PNPLA4: variants seen among roughly 807,000 people sequenced by gnomAD.
PNPLA4 encodes the protein patatin-like phospholipase domain-containing protein 4.
A neutral mutation model predicts 18.3 loss-of-function variants in PNPLA4; 15 were observed. That is an observed-to-expected ratio of 0.82 (90% CI 0.55 to 1.26). The LOEUF (loss-of-function observed/expected upper bound fraction) is 1.26. Ranked by LOEUF, PNPLA4 falls within the 50% of genes most tolerant of loss-of-function variation. PNPLA4 has a pLI of 0.00. For synonymous variants in PNPLA4, 88 were observed against 85.6 expected (o/e 1.03, Z -0.16); for missense variants, 229 against 196.8 (o/e 1.16, Z -0.98).
At chrX:7,906,404 C>A (rs1347087001) in intron 5 of PNPLA4, among the ~76,000 whole-genome samples, 1 of 111,807 alleles carries the variant, frequency 8.9e-6, no homozygotes, top group African/African-American at 3.3e-5. Context: ...TGGTGCATTG[C>A]TTTCTTGGTT....
intron 4 of PNPLA4, among the ~76,000 whole-genome samples, chrX:7,919,380 C>G (rs1430719449): frequency 2.7e-5 from 3 of 112,202 alleles, no homozygotes; most frequent in African/African-American, 9.7e-5. Context: ...TCTCCTTGCT[C>G]AGTCAGGTGT....
chrX:7,913,888 G>C (rs1277797491), intron 4 of PNPLA4, among the ~76,000 whole-genome samples: 1 of 112,335 alleles, frequency 8.9e-6, no homozygotes, highest in Non-Finnish European at 1.9e-5. Context: ...ACGTGGTTGA[G>C]ACTGTCCCCA....
chrX:7,919,378 C>T (rs1172803475), intron 4 of PNPLA4, among the ~76,000 whole-genome samples: 1 of 112,256 alleles, frequency 8.9e-6, no homozygotes, highest in Non-Finnish European at 1.9e-5. Flanking sequence ...TGTCTCCTTG[C>T]TCAGTCAGGT....
chrX:7,926,357 A>G (rs1465985054), intron 1 of PNPLA4, among the ~76,000 whole-genome samples: 1 of 112,275 alleles, frequency 8.9e-6, no homozygotes, highest in African/African-American at 3.2e-5. Context: ...AAACAAAACA[A>G]AAACATTCCA....
intron 4 of PNPLA4, among the ~76,000 whole-genome samples, chrX:7,917,881 T>C (rs1405524970): frequency 8.9e-6 from 1 of 112,167 alleles, no homozygotes; most frequent in African/African-American, 3.2e-5. Context: ...TACAGGTTTC[T>C]AGTTGGATTT....
chrX:7,900,921 T>C (rs1177127024), intron 6 of PNPLA4, 104 bp from the exon 7 acceptor site: 10 of 642,531 alleles, frequency 1.6e-5, no homozygotes, highest in Non-Finnish European at 2.3e-5. Flanking sequence ...CAATTAGCAG[T>C]AACAAAAAAT....
chrX:7,913,749 T>C (rs1259494667), intron 4 of PNPLA4, among the ~76,000 whole-genome samples: 4 of 112,777 alleles, frequency 3.5e-5, no homozygotes, highest in African/African-American at 1.3e-4. Context: ...CTTTGGATAG[T>C]GGAGCCACGT....
intron 2 of PNPLA4, among the ~76,000 whole-genome samples, chrX:7,924,174 G>A (rs1277682701): frequency 1.8e-5 from 2 of 111,951 alleles, no homozygotes; most frequent in African/African-American, 6.5e-5. Flanking sequence ...GGAAAGTCTT[G>A]CAGCATTGAG....
intron 2 of PNPLA4, among the ~76,000 whole-genome samples, chrX:7,924,536 C>A (rs1468355291): frequency 8.9e-6 from 1 of 111,958 alleles, no homozygotes; most frequent in South Asian, 3.7e-4. Flanking sequence ...TTATTTTCTA[C>A]CTTCCCATGG....
chrX:7,902,302 T>C (rs1476402528), intron 5 of PNPLA4, among the ~76,000 whole-genome samples, 161 bp from the exon 6 acceptor site: 2 of 112,223 alleles, frequency 1.8e-5, no homozygotes, highest in Non-Finnish European at 3.8e-5. Context: ...CAAATCTTGG[T>C]ACACATATCA....
intron 2 of PNPLA4, 75 bp downstream of exon 2, chrX:7,925,865 A>C: frequency 1.2e-6 from 1 of 856,233 alleles, no homozygotes; most frequent in Non-Finnish European, 1.7e-6. Context: ...TTAACTTAGT[A>C]GAGTCAATGC....
At chrX:7,905,525 G>A (rs1289813854) in intron 5 of PNPLA4, among the ~76,000 whole-genome samples, 6 of 111,565 alleles carry the variant, frequency 5.4e-5, no homozygotes, top group African/African-American at 1.6e-4. Context: ...TTCCATGAAG[G>A]GCTCCATTTT....
chrX:7,904,364 CTT>C (rs1418749670), intron 5 of PNPLA4, among the ~76,000 whole-genome samples: 1 of 112,045 alleles, frequency 8.9e-6, no homozygotes, highest in East Asian at 2.8e-4. Flanking sequence ...TTTGTTCACT[CTT>C]GTTAGCTTAT....
At chrX:7,926,908 G>A (rs1301919611) in intron 1 of PNPLA4, among the ~76,000 whole-genome samples, 1 of 112,247 alleles carries the variant, frequency 8.9e-6, no homozygotes, top group African/African-American at 3.2e-5. Flanking sequence ...AGGTCTCAGG[G>A]TTTCCTTGGG....
rs143304845 is a variant in PNPLA4, at chrX:7,920,170, T to C, written c.411+1543A>G. ...AGATCAGGGGCTGAGAGTTCTGTCA[T>C]TGTAGACAGAAAAACCAGGGATGGA... On this transcript the variant is annotated intron_variant, in intron 4 of 6. Coordinates refer to ENST00000381042, the MANE Select transcript of PNPLA4 (RefSeq NM_004650.3). Among the ~76,000 whole-genome samples, 16 of 111,358 alleles carry C rather than the reference T, an allele frequency of 1.4e-4. No individual in the cohort carries two copies. The East Asian group carries it at 4.6e-3, about 32-fold the overall frequency.
Position 7,915,643 on chromosome X carries a change from T to C in PNPLA4, c.412-3550A>G, listed in dbSNP as rs143014879. On this transcript the variant is annotated intron_variant, in intron 4 of 6. Transcript: ENST00000381042. ...TCGCCAGGTGCGCATTCCCGACACG[T>C]TCTGATTGACTCTCTTCATTTTGCA... Among the ~76,000 whole-genome samples the C allele has an allele frequency of 3.2e-3, 360 of 112,044 alleles. 2 individuals carry two copies. The highest frequency in any genetic ancestry group is 0.011 in the African/African-American group (352 of 30,890).
At chrX:7,906,194 A>G (rs1923700338) in intron 5 of PNPLA4, among the ~76,000 whole-genome samples, 1 of 112,262 alleles carries the variant, frequency 8.9e-6, no homozygotes, top group Admixed American at 9.5e-5. Flanking sequence ...AATGCTCTTG[A>G]TTAGCAATTC....
In PNPLA4 at chrX:7,910,981, A is replaced by C. The variant is rs146900811; in HGVS notation, c.477+1047T>G. On this transcript the variant is annotated intron_variant, in intron 5 of 6. Coordinates refer to ENST00000381042, the MANE Select transcript of PNPLA4 (RefSeq NM_004650.3). ...TGTTAGATAACTGATTATAAAATAC[A>C]TATCTCTGGTGTATGTGCTAAACAG... Among the ~76,000 whole-genome samples, 381 of 111,605 alleles carry C rather than the reference A, an allele frequency of 3.4e-3. 3 individuals are homozygous for C. Among genetic ancestry groups the C allele is most frequent in the African/African-American group, 0.012 (375 of 30,800 alleles).
Position 7,927,301 on chromosome X carries a change from A to C in PNPLA4, c.-29T>G, listed in dbSNP as rs1354352219. 8.9e-6 allele frequency: 1 copy of C among 112,835 alleles called. No individual in the cohort carries two copies. Among genetic ancestry groups the C allele is most frequent in the Non-Finnish European group, 1.9e-5 (1 of 53,202 alleles). The allele number at this position is 112,835 out of a possible 1,213,427, so 9.3% of individuals were successfully genotyped here. ...GGCTCCGTACCAATGCAGCCCCGGG[A>C]CACTTCCGTGTTGAACGAGTCCCTT... On this transcript the variant is annotated 5_prime_UTR_variant, in exon 1 of 7. Transcript: ENST00000381042.
Sources: gnomAD v4.1 joint callset for allele counts (sites outside exome capture counted in the v4.1 genomes callset) on GRCh38, gnomAD v4.1.1 for gene constraint, MANE v1.5 for transcripts, NCBI Gene and HGNC (gene_info 2026-07-23, HGNC 2026-07-21) for gene names.